The following ZSWIM5 variants were observed in gnomAD, a reference collection of about 807,000 sequenced individuals.
ZSWIM5 encodes the protein zinc finger SWIM-type containing 5, also known as zinc finger SWIM domain-containing protein 5.
In ZSWIM5, 55 loss-of-function variants were observed where a neutral mutation model predicts 119.6. The ratio of observed to expected loss-of-function variants is 0.46; its 90% confidence interval spans 0.37 to 0.58. ZSWIM5 has a LOEUF of 0.58. Among genes scored for constraint, ZSWIM5 ranks in the 20% least tolerant of loss-of-function variants. The pLI is 0.00. For synonymous variants in ZSWIM5, 537 were observed against 606.9 expected (o/e 0.88, Z 1.69); for missense variants, 1,193 against 1,512.8 (o/e 0.79, Z 3.51).
In ZSWIM5 at chr1:45,205,829, A is replaced by G; in HGVS notation, c.522T>C (p.Gly174=). Reference sequence around the variant, plus strand: ...CCCGGCGGAACGGGAGCCCCTCGCCACCGCAGCCGGCCGCGCCGGCCCCTG... The same window carrying G: ...CCCGGCGGAACGGGAGCCCCTCGCCGCCGCAGCCGGCCGCGCCGGCCCCTG... The part of the protein sequence containing the change: ...LGAGAGAAGC[G]GEGLPFRRGI... The change falls in exon 1 of 14, where the codon GGT becomes GGC. Residue 174 remains glycine, a synonymous_variant. Transcript: ENST00000359600. 6.6e-7 allele frequency: 1 copy of G among 1,505,302 alleles called. No homozygotes were observed. 93.2% of individuals were successfully genotyped at this position (1,505,302 alleles called of 1,614,324 possible).
At chr1:45,080,746 T>C (rs1557758999) in intron 2 of ZSWIM5, among the ~76,000 whole-genome samples, 1 of 152,148 alleles carries the variant, frequency 6.6e-6, no homozygotes, top group Non-Finnish European at 1.5e-5. Flanking sequence ...TCTTTCTTTC[T>C]GGATAAGAGG....
At chr1:45,055,075 T>TC (rs1333571836) in intron 4 of ZSWIM5, among the ~76,000 whole-genome samples, 1 of 152,096 alleles carries the variant, frequency 6.6e-6, no homozygotes, top group Non-Finnish European at 1.5e-5. Context: ...CACTGCAAGC[T>TC]CGCCTCCCGG....
At chr1:45,119,219 C>A (rs964317446) in intron 1 of ZSWIM5, among the ~76,000 whole-genome samples, 1 of 152,174 alleles carries the variant, frequency 6.6e-6, no homozygotes, top group South Asian at 2.1e-4. Flanking sequence ...TCCACCCATT[C>A]TTTTCCCCAA....
chr1:45,194,534 A>C (rs1483905524), intron 1 of ZSWIM5, among the ~76,000 whole-genome samples: 1 of 152,084 alleles, frequency 6.6e-6, no homozygotes, highest in Non-Finnish European at 1.5e-5. Context: ...TCAACTATGC[A>C]CCAAAGTATT....
At chr1:45,034,697 G>A (rs1011373317) in intron 10 of ZSWIM5, among the ~76,000 whole-genome samples, 1 of 152,202 alleles carries the variant, frequency 6.6e-6, no homozygotes, top group Non-Finnish European at 1.5e-5. Context: ...GTGAAAGGCC[G>A]TTCAAGAGCT....
intron 1 of ZSWIM5, among the ~76,000 whole-genome samples, chr1:45,178,727 T>C (rs1367150829): frequency 1.3e-5 from 2 of 152,118 alleles, no homozygotes; most frequent in East Asian, 3.8e-4. Context: ...ATTAGTATTG[T>C]GAACAATCAT....
chr1:45,163,312 C>A (rs1452028834), intron 1 of ZSWIM5, among the ~76,000 whole-genome samples: 2 of 152,212 alleles, frequency 1.3e-5, no homozygotes, highest in Non-Finnish European at 2.9e-5. Context: ...ACCAAAACCC[C>A]ATCTGTACGT....
intron 1 of ZSWIM5, among the ~76,000 whole-genome samples, chr1:45,101,865 G>A (rs761973789): frequency 4.6e-5 from 7 of 152,108 alleles, no homozygotes; most frequent in Admixed American, 6.6e-5. Context: ...ACAGGGCGGG[G>A]AACATCATAT....
intron 5 of ZSWIM5, among the ~76,000 whole-genome samples, chr1:45,049,261 T>G (rs1455502500): frequency 6.6e-6 from 1 of 152,102 alleles, no homozygotes; most frequent in Admixed American, 6.6e-5. Flanking sequence ...AAAACCAGGA[T>G]GGTGGCAGAC....
chr1:45,032,492 T>G (rs1000989450), intron 11 of ZSWIM5, among the ~76,000 whole-genome samples: 15 of 148,650 alleles, frequency 1.0e-4, no homozygotes, highest in East Asian at 2.0e-4. Context: ...GTTTTTGTTT[T>G]TTTTTTTTTT....
At position 45,057,370 on chromosome 1, in the gene ZSWIM5, T is replaced by C. The variant is rs775318969; in HGVS notation, c.1252+1239A>G. ...TGCCAGAAGCAAGAGTTTTTCATAA[T>C]GAACCCAAGTATATAACAAGAGTTT... On this transcript the variant is annotated intron_variant, in intron 4 of 13. Coordinates refer to ENST00000359600, the MANE Select transcript of ZSWIM5 (RefSeq NM_020883.2). This position sits in a 1 kb window ranked among gnomAD's most constrained non-coding sequence, Gnocchi z 4.7. Among the ~76,000 whole-genome samples, 1 of 152,260 alleles carries C rather than the reference T, an allele frequency of 6.6e-6. No individual in the cohort carries two copies. Among genetic ancestry groups the C allele is most frequent in the Non-Finnish European group, 1.5e-5 (1 of 68,050 alleles).
At chr1:45,066,829 C>T (rs532173801) in intron 2 of ZSWIM5, among the ~76,000 whole-genome samples, 19 of 152,012 alleles carry the variant, frequency 1.2e-4, no homozygotes, top group African/African-American at 4.1e-4. Context: ...TAGCAATTTA[C>T]GTGAGAGATT....
chr1:45,088,864 G>T lies in ZSWIM5; in HGVS notation c.596-627C>A, dbSNP rs1645347263. Among the ~76,000 whole-genome samples the T allele has an allele frequency of 6.6e-6, 1 of 152,108 alleles. No homozygotes were observed. The highest frequency in any genetic ancestry group is 2.4e-5 in the African/African-American group (1 of 41,422). ...TACACCTCTACTCACTAGGCACACA[G>T]TAACAATAATTTTGAAATGTAGGGA... On this transcript the variant is annotated intron_variant, in intron 1 of 13. Coordinates refer to ENST00000359600, the MANE Select transcript of ZSWIM5 (RefSeq NM_020883.2). The surrounding 1 kb of genome is among the most constrained non-coding windows in gnomAD (Gnocchi z 4.2).
chr1:45,188,303 G>A (rs1267321745), intron 1 of ZSWIM5, among the ~76,000 whole-genome samples: 1 of 152,118 alleles, frequency 6.6e-6, no homozygotes, highest in Non-Finnish European at 1.5e-5. Context: ...CACATTTATG[G>A]ACCTTTAAAA....
intron 1 of ZSWIM5, among the ~76,000 whole-genome samples, chr1:45,182,352 G>T (rs572669919): frequency 6.6e-6 from 1 of 150,888 alleles, no homozygotes; most frequent in South Asian, 2.1e-4. Flanking sequence ...TGCAGTGAGC[G>T]GAGATCGCGC....
chr1:45,020,529 A>T, intron 12 of ZSWIM5, 96 bp downstream of exon 12: 2 of 1,410,620 alleles, frequency 1.4e-6, no homozygotes, highest in Non-Finnish European at 1.9e-6. Context: ...GAAGAGCCAG[A>T]CTTGGCCTAT....
intron 1 of ZSWIM5, among the ~76,000 whole-genome samples, chr1:45,171,052 T>G (rs1268137504): frequency 6.6e-6 from 1 of 152,096 alleles, no homozygotes; most frequent in Non-Finnish European, 1.5e-5. Flanking sequence ...AATCATACAT[T>G]TTCACATCTA....
intron 5 of ZSWIM5, among the ~76,000 whole-genome samples, chr1:45,048,269 A>C (rs1030371508): frequency 2.0e-5 from 3 of 151,704 alleles, no homozygotes; most frequent in African/African-American, 7.3e-5. Flanking sequence ...CGAACTCCTG[A>C]GTTCAAGGGT....
At chr1:45,034,833 G>A (rs1054808534) in intron 10 of ZSWIM5, among the ~76,000 whole-genome samples, 1 of 152,130 alleles carries the variant, frequency 6.6e-6, no homozygotes, top group Non-Finnish European at 1.5e-5. Flanking sequence ...ATAGGCTGGA[G>A]TGTAGTGGCA....
Sources: allele counts gnomAD v4.1 joint callset (sites outside exome capture counted in the v4.1 genomes callset), GRCh38; gene constraint gnomAD v4.1.1; non-coding constraint Gnocchi (gnomAD v3.1); transcripts MANE v1.5; gene names NCBI Gene and HGNC (gene_info 2026-07-23, HGNC 2026-07-21).